Variants in SEMA5A observed in about 807,000 individuals in gnomAD.
SEMA5A encodes semaphorin 5A.
A neutral mutation model predicts 135.5 loss-of-function variants in SEMA5A; 55 were observed. The observed-to-expected ratio is 0.41, with a 90% CI of 0.33 to 0.51. The LOEUF is 0.51. Ranked by LOEUF, SEMA5A falls within the 20% of genes least tolerant of loss-of-function variation. The probability of loss-of-function intolerance (pLI) is 0.37; values close to 1 mark genes in which losing one functional copy is unlikely to be tolerated. For missense variants in SEMA5A, 1,290 were observed against 1,419.9 expected (o/e 0.91, Z 1.47); for synonymous variants, 580 against 546.5 (o/e 1.06, Z -0.85).
chr5:9,197,417 A>T, intron 9 of SEMA5A, 114 bp from the exon 10 acceptor site: 1 of 1,269,882 alleles, frequency 7.9e-7, no homozygotes, highest in Non-Finnish European at 1.1e-6. Context: ...TCTCAAGACC[A>T]CAGTCTCTTA....
chr5:9,354,996 C>A (rs907204443), intron 3 of SEMA5A, among the ~76,000 whole-genome samples: 3 of 152,112 alleles, frequency 2.0e-5, no homozygotes, highest in African/African-American at 7.2e-5. Context: ...AGGGCCACTG[C>A]ATGCATTATC....
At chr5:9,421,345 A>G (rs1757460741) in intron 2 of SEMA5A, among the ~76,000 whole-genome samples, 1 of 152,240 alleles carries the variant, frequency 6.6e-6, no homozygotes, top group Non-Finnish European at 1.5e-5. Flanking sequence ...AACATAACTG[A>G]CATATAATCT....
chr5:9,264,896 G>A (rs1402600495), intron 5 of SEMA5A, among the ~76,000 whole-genome samples: 1 of 152,126 alleles, frequency 6.6e-6, no homozygotes, highest in South Asian at 2.1e-4. Context: ...GAAACATGGG[G>A]CGAGGGTGCA....
rs111356525 is a variant in SEMA5A at position 9,240,632 on chromosome 5, A to G, written c.271-2742T>C. 4.2e-3 allele frequency among the ~76,000 whole-genome samples: 639 copies of G among 152,018 alleles called. 6 individuals are homozygous for G. Among genetic ancestry groups the G allele is most frequent in the African/African-American group, 0.014 (595 of 41,522 alleles). On this transcript the variant is annotated intron_variant, in intron 5 of 22. Coordinates refer to ENST00000382496, the MANE Select transcript of SEMA5A (RefSeq NM_003966.3). ...CTCTCTGTGGGTTCTTATTTCTCACAGTGACGCATTTTTCTGTTTGAAATT... is the reference window on the plus strand; with the variant it reads ...CTCTCTGTGGGTTCTTATTTCTCACGGTGACGCATTTTTCTGTTTGAAATT...
chr5:9,145,026 C>A (rs1360199468), intron 12 of SEMA5A, among the ~76,000 whole-genome samples: 1 of 149,170 alleles, frequency 6.7e-6, no homozygotes, highest in Non-Finnish European at 1.5e-5. Flanking sequence ...GTCATTTTTA[C>A]TTTTTTTTTT....
At chr5:9,087,372 TA>T (rs1402211250) in intron 16 of SEMA5A, among the ~76,000 whole-genome samples, 1 of 150,696 alleles carries the variant, frequency 6.6e-6, no homozygotes, top group Non-Finnish European at 1.5e-5. Flanking sequence ...TCCTATAAAA[TA>T]AATAATTATC....
rs760805112 is a variant in SEMA5A at position 9,051,906 on chromosome 5, G to A, written c.2812C>T (p.Arg938Trp). The A allele has an allele frequency of 2.5e-6, 4 of 1,614,086 alleles. No individual in the cohort carries two copies. The highest frequency in any genetic ancestry group is 3.4e-6 in the Non-Finnish European group (4 of 1,180,014). ...AAATTAGAGTCAAACACACACGGCC[G>A]GCTCTCCGTGGTGTTCCCGGAGCAC... The part of the protein sequence containing the change: ...SQCSGNTTES[R>W]PCVFDSNFIP... Residue 938 changes from arginine to tryptophan, a missense_variant, in exon 20 of 23, where the codon CGG becomes TGG. Coordinates refer to ENST00000382496, the MANE Select transcript of SEMA5A (RefSeq NM_003966.3).
At chr5:9,118,886 A>T in intron 15 of SEMA5A, 112 bp downstream of exon 15, 1 of 1,321,020 alleles carries the variant, frequency 7.6e-7, no homozygotes, top group Non-Finnish European at 1.0e-6. Flanking sequence ...GCGGAAAGGG[A>T]TGCCACACAT....
rs747306871 is a variant in SEMA5A at position 9,406,477 on chromosome 5, C to T, written c.-77-26454G>A. Among the ~76,000 whole-genome samples the T allele has an allele frequency of 2.0e-5, 3 of 152,164 alleles. No individual in the cohort carries two copies. In the South Asian group the frequency reaches 6.2e-4, roughly 32 times the overall value. ...ATAAATTTCTGCTTTGGGAAAAAAC[C>T]AGCAACACTGATTTTATCTTTAATA... On this transcript the variant is annotated intron_variant, in intron 2 of 22. Transcript: ENST00000382496.
chr5:9,259,056 G>C (rs1347672402), intron 5 of SEMA5A, among the ~76,000 whole-genome samples: 1 of 151,892 alleles, frequency 6.6e-6, no homozygotes, highest in African/African-American at 2.4e-5. Context: ...TCCTGACCTC[G>C]GGTGATCTGC....
At chr5:9,225,662 T>C (rs1039166620) in intron 7 of SEMA5A, among the ~76,000 whole-genome samples, 1 of 152,062 alleles carries the variant, frequency 6.6e-6, no homozygotes, top group Non-Finnish European at 1.5e-5. Flanking sequence ...CAAGTAAGGA[T>C]GTGTGGATAT....
chr5:9,320,660 G>C (rs1018849223), intron 4 of SEMA5A, among the ~76,000 whole-genome samples: 2 of 152,234 alleles, frequency 1.3e-5, no homozygotes, highest in African/African-American at 2.4e-5. Context: ...CAAGGCTCCA[G>C]TGAGCCACGA....
intron 2 of SEMA5A, among the ~76,000 whole-genome samples, chr5:9,418,163 A>C (rs1293311081): frequency 6.6e-6 from 1 of 151,872 alleles, no homozygotes; most frequent in Non-Finnish European, 1.5e-5. Flanking sequence ...TTTTTAGTAG[A>C]GATGGGGTTT....
chr5:9,167,058 G>A (rs1024925167), intron 11 of SEMA5A, among the ~76,000 whole-genome samples: 2 of 152,124 alleles, frequency 1.3e-5, no homozygotes, highest in East Asian at 1.9e-4. Flanking sequence ...AAAAATCTAT[G>A]CTAAGCACTT....
chr5:9,259,694 T>C (rs194160), intron 5 of SEMA5A, among the ~76,000 whole-genome samples: 140,058 of 141,740 alleles, frequency 0.99, 69,223 homozygotes, highest in Middle Eastern at 1. Flanking sequence ...TTGAAACCAA[T>C]GAGAACAAAG....
intron 6 of SEMA5A, among the ~76,000 whole-genome samples, chr5:9,234,686 T>C (rs1747807470): frequency 6.6e-6 from 1 of 152,258 alleles, no homozygotes; most frequent in Non-Finnish European, 1.5e-5. Flanking sequence ...TCTGTCTTAC[T>C]ATATTAGTGT....
intron 1 of SEMA5A, among the ~76,000 whole-genome samples, chr5:9,470,249 G>A (rs190469727): frequency 8.3e-4 from 126 of 152,192 alleles, no homozygotes; most frequent in Admixed American, 2.0e-4. Context: ...AGTTTCAGAA[G>A]TGGGAAATTC....
intron 11 of SEMA5A, among the ~76,000 whole-genome samples, chr5:9,185,507 G>T (rs2905985): frequency 0.58 from 87,865 of 151,982 alleles, 25,962 homozygotes; most frequent in African/African-American, 0.7. Flanking sequence ...GTGCCTGATA[G>T]GTGTTTTTAT....
At chr5:9,478,877 G>A (rs1483422447) in intron 1 of SEMA5A, among the ~76,000 whole-genome samples, 2 of 152,120 alleles carry the variant, frequency 1.3e-5, no homozygotes, top group Admixed American at 1.3e-4. Context: ...ATTTAGGAGG[G>A]GCCAGGGTGG....
Sources: gnomAD v4.1 joint callset for allele counts (sites outside exome capture counted in the v4.1 genomes callset) on GRCh38, gnomAD v4.1.1 for gene constraint, MANE v1.5 for transcripts, NCBI Gene and HGNC (gene_info 2026-07-23, HGNC 2026-07-21) for gene names.